EPHX2: variants seen among roughly 807,000 people sequenced by gnomAD.
EPHX2 encodes epoxide hydrolase 2.
EPHX2 carries 74 observed loss-of-function variants against 78.7 expected under a neutral mutation model. The ratio of observed to expected loss-of-function variants is 0.94; its 90% CI spans 0.78 to 1.14. EPHX2 has a LOEUF of 1.14. Ranked by LOEUF, EPHX2 falls within the 50% of genes most tolerant of loss-of-function variation. The pLI is 0.00. For synonymous variants in EPHX2, 251 were observed against 255.2 expected (o/e 0.98, Z 0.16); for missense variants, 715 against 702.5 (o/e 1.02, Z -0.20).
Position 27,491,229 on chromosome 8 carries a change from C to G in EPHX2, c.21C>G (p.Val7=), listed in dbSNP as rs1347297721. 1 of 1,585,034 alleles carries G rather than the reference C, an allele frequency of 6.3e-7. No individual in the cohort carries two copies. Among genetic ancestry groups the G allele is most frequent in the African/African-American group, 1.4e-5 (1 of 73,416 alleles). ...CCGCCATGACGCTGCGCGCGGCCGTCTTCGACCTTGACGGGGTGCTGGCGC... is the reference window on the plus strand; with the variant it reads ...CCGCCATGACGCTGCGCGCGGCCGTGTTCGACCTTGACGGGGTGCTGGCGC... MTLRAA[V]FDLDGVLALP... Residue 7 remains valine, a synonymous_variant, in exon 1 of 19, where the codon GTC becomes GTG. Transcript: ENST00000521400.
At chr8:27,533,677 T>G (rs1815118782) in intron 12 of EPHX2, among the ~76,000 whole-genome samples, 1 of 152,168 alleles carries the variant, frequency 6.6e-6, no homozygotes, top group African/African-American at 2.4e-5. Context: ...ATTCTTGACT[T>G]CCTGGGCTCA....
chr8:27,515,719 C>A lies in EPHX2; in HGVS notation c.737C>A (p.Pro246His), dbSNP rs746065522. Residue 246 changes from proline (P) to histidine (H), a missense_variant and splice_region_variant, in exon 7 of 19, where the codon CCC (proline) becomes CAC (histidine). Pro to His is a moderately conservative substitution (Grantham distance 77). Transcript: ENST00000521400. Reference protein sequence around the residue: ...DMSHGYVTVKPRVRLHFVELG... With the variant: ...DMSHGYVTVKHRVRLHFVELG... ...CCCTCTCCTCTTTCCCTTCCACAGC[C>A]CAGGGTCCGTCTGCATTTTGTGGAG... is the stretch of plus-strand genomic sequence containing the variant. 6.2e-7 allele frequency: 1 copy of A among 1,613,796 alleles called. No individual in the cohort carries two copies. The highest frequency in any genetic ancestry group is 1.7e-5 in the Admixed American group (1 of 60,022).
At chr8:27,537,477 T>G (rs1815250304) in intron 13 of EPHX2, among the ~76,000 whole-genome samples, 1 of 152,236 alleles carries the variant, frequency 6.6e-6, no homozygotes, top group South Asian at 2.1e-4. Flanking sequence ...TATTTTCTTT[T>G]AGAAACTTCT....
At chr8:27,517,674 G>T (rs1179074148) in intron 8 of EPHX2, among the ~76,000 whole-genome samples, 4 of 152,172 alleles carry the variant, frequency 2.6e-5, no homozygotes, top group African/African-American at 9.7e-5. Flanking sequence ...AAATGGTGGT[G>T]GGGAAACATG....
intron 12 of EPHX2, among the ~76,000 whole-genome samples, chr8:27,532,667 C>T (rs1261240243): frequency 6.6e-6 from 1 of 152,156 alleles, no homozygotes; most frequent in African/African-American, 2.4e-5. Flanking sequence ...ACGCCCGTCC[C>T]TGCCTCCGTC....
intron 9 of EPHX2, among the ~76,000 whole-genome samples, chr8:27,519,418 C>T (rs908309891): frequency 2.6e-5 from 4 of 152,306 alleles, no homozygotes; most frequent in East Asian, 3.9e-4. Context: ...CAGGGTGGAA[C>T]GAGCCTCTCA....
At chr8:27,516,631 A>G (rs1814465465) in intron 8 of EPHX2, among the ~76,000 whole-genome samples, 1 of 152,138 alleles carries the variant, frequency 6.6e-6, no homozygotes, top group Non-Finnish European at 1.5e-5. Flanking sequence ...TCATGCTCCA[A>G]GGGATCTCCC....
chr8:27,547,084 C>T (rs972396097), downstream of EPHX2, among the ~76,000 whole-genome samples: 3 of 152,140 alleles, frequency 2.0e-5, no homozygotes, highest in South Asian at 2.1e-4. Context: ...GGGGGAAATC[C>T]GCCCCCAAGA....
At position 27,518,086 on chromosome 8, in the gene EPHX2, T is replaced by G. The variant is rs1471423132; in HGVS notation, c.945+14T>G. On this transcript the variant is annotated intron_variant, in intron 9 of 18. Coordinates refer to ENST00000521400, the MANE Select transcript of EPHX2 (RefSeq NM_001979.6). Reference sequence around the variant, plus strand: ...GTGTTATGTAAGGTAAGAAGAATCTTGGGTAACATCTTCCCCATCCTGCGA... The same window carrying G: ...GTGTTATGTAAGGTAAGAAGAATCTGGGGTAACATCTTCCCCATCCTGCGA... 2 of 1,596,288 alleles carry G rather than the reference T, an allele frequency of 1.3e-6. No individual in the cohort carries two copies. Among genetic ancestry groups the G allele is most frequent in the Admixed American group, 1.8e-5 (1 of 54,980 alleles).
intron 12 of EPHX2, among the ~76,000 whole-genome samples, chr8:27,528,577 A>T (rs937559499): frequency 2.6e-5 from 4 of 152,184 alleles, no homozygotes; most frequent in African/African-American, 9.7e-5. Flanking sequence ...CAGGTCAGCA[A>T]ATAAAGCCAA....
intron 14 of EPHX2, among the ~76,000 whole-genome samples, chr8:27,539,523 C>T (rs1815325205): frequency 6.6e-6 from 1 of 152,208 alleles, no homozygotes; most frequent in Non-Finnish European, 1.5e-5. Context: ...GCTCAAAGAA[C>T]ATCTTCCTTC....
chr8:27,530,689 A>G (rs957081044), intron 12 of EPHX2, among the ~76,000 whole-genome samples: 4 of 152,020 alleles, frequency 2.6e-5, no homozygotes, highest in East Asian at 1.9e-4. Context: ...GCCGAATAAT[A>G]TAGTTTAAAA....
In EPHX2 at chr8:27,544,770, C is replaced by G. The variant is rs1815533308; in HGVS notation, c.*248C>G. On this transcript the variant is annotated 3_prime_UTR_variant, in exon 19 of 19. Coordinates refer to ENST00000521400, the MANE Select transcript of EPHX2 (RefSeq NM_001979.6). ...GCATCGTCCCTTTATCTGTAAGAACCCTTAGTGTCCTGTAGGGGGACAGAA... is the reference window on the plus strand; with the variant it reads ...GCATCGTCCCTTTATCTGTAAGAACGCTTAGTGTCCTGTAGGGGGACAGAA... 1.9e-6 allele frequency: 1 copy of G among 536,930 alleles called. No homozygotes were observed. The highest frequency in any genetic ancestry group is 3.2e-5 in the Admixed American group (1 of 31,048). 33.3% of individuals were successfully genotyped at this position (536,930 alleles called of 1,614,324 possible).
At position 27,511,898 on chromosome 8, in the gene EPHX2, C is replaced by T. The variant is rs751906118; in HGVS notation, c.723C>T (p.Tyr241=). The part of the protein sequence containing the change: ...SCNPSDMSHG[Y]VTVKPRVRLH... Reference sequence around the variant, plus strand: ...ATCCAAGTGACATGAGCCATGGGTACGTGACAGTAAAGGTGAGTCAGTTTT... The same window carrying T: ...ATCCAAGTGACATGAGCCATGGGTATGTGACAGTAAAGGTGAGTCAGTTTT... The change falls in exon 6 of 19, where the codon TAC becomes TAT. Residue 241 remains tyrosine, a synonymous_variant. Transcript: ENST00000521400. 9.3e-6 allele frequency: 15 copies of T among 1,613,888 alleles called. No individual in the cohort carries two copies. The highest frequency in any genetic ancestry group is 1.7e-5 in the Admixed American group (1 of 59,982).
intron 16 of EPHX2, among the ~76,000 whole-genome samples, chr8:27,542,894 G>A (rs960255107): frequency 3.3e-5 from 5 of 151,896 alleles, no homozygotes; most frequent in Admixed American, 1.3e-4. Context: ...CACCCACCTC[G>A]GCCTCCCAAA....
chr8:27,515,951 A>G (rs1369555269), intron 7 of EPHX2, 138 bp downstream of exon 7: 1 of 790,118 alleles, frequency 1.3e-6, no homozygotes, highest in East Asian at 2.7e-5. Flanking sequence ...AGGTTGGGGC[A>G]GGAGGGTGAC....
chr8:27,531,229 T>G (rs929585313), intron 12 of EPHX2, among the ~76,000 whole-genome samples: 2 of 152,172 alleles, frequency 1.3e-5, no homozygotes, highest in Non-Finnish European at 2.9e-5. Flanking sequence ...ACGAGGCACT[T>G]AAGGCCCCTG....
intron 13 of EPHX2, among the ~76,000 whole-genome samples, chr8:27,537,942 G>C (rs542483640): frequency 6.8e-4 from 103 of 152,196 alleles, no homozygotes; most frequent in Non-Finnish European, 1.1e-3. Flanking sequence ...CTTCAATTGG[G>C]CTTGAGGAAA....
chr8:27,514,536 A>T (rs911302982), intron 6 of EPHX2, among the ~76,000 whole-genome samples: 2 of 152,174 alleles, frequency 1.3e-5, no homozygotes, highest in Non-Finnish European at 2.9e-5. Context: ...TAGTGGCTAT[A>T]ACAAACACCC....
Sources: allele counts gnomAD v4.1 joint callset (sites outside exome capture counted in the v4.1 genomes callset), GRCh38; gene constraint gnomAD v4.1.1; transcripts MANE v1.5; gene names NCBI Gene and HGNC (gene_info 2026-07-23, HGNC 2026-07-21).